Variants in CYP27C1 observed in about 807,000 individuals in gnomAD.
CYP27C1 encodes the protein cytochrome P450 27C1.
CYP27C1 carries 29 observed loss-of-function variants against 40.6 expected under a neutral mutation model. The ratio of observed to expected loss-of-function variants is 0.71; its 90% confidence interval spans 0.53 to 0.97. The LOEUF (loss-of-function observed/expected upper bound fraction) is 0.97. Ranked by LOEUF, CYP27C1 falls within the 50% of genes least tolerant of loss-of-function variation. The probability of loss-of-function intolerance (pLI) is 0.00; values close to 1 mark genes in which losing one functional copy is unlikely to be tolerated. For missense variants in CYP27C1, 390 were observed against 485.8 expected, an observed-to-expected ratio of 0.80 and a Z score of 1.85; for synonymous variants, 198 against 186.8, an observed-to-expected ratio of 1.06 and a Z score of -0.49.
chr2:127,191,592 C>T (rs1316079326), intron 8 of CYP27C1, among the ~76,000 whole-genome samples: 1 of 152,216 alleles, frequency 6.6e-6, no homozygotes, highest in Non-Finnish European at 1.5e-5. Flanking sequence ...AAGATGAGAA[C>T]AGCTTCCACT....
rs1469194342 is a variant in CYP27C1, at chr2:127,208,052, C to T, written c.283-1962G>A. On this transcript the variant is annotated intron_variant, in intron 1 of 8. Coordinates refer to ENST00000664447, the MANE Select transcript of CYP27C1 (RefSeq NM_001367502.1). The surrounding 1 kb of genome is among the most constrained non-coding windows in gnomAD (Gnocchi z 5.2). ...TCGAAAAAAGAACAAAGCTGGTGGA[C>T]CCCCATTTTCCTGTTTCAAGACTTA... Among the ~76,000 whole-genome samples, 1 of 152,082 alleles carries T rather than the reference C, an allele frequency of 6.6e-6. No homozygotes were observed. The highest frequency in any genetic ancestry group is 1.5e-5 in the Non-Finnish European group (1 of 68,032).
Position 127,200,650 on chromosome 2 carries a change from G to A in CYP27C1, c.883+472C>T, listed in dbSNP as rs537216552. 6.6e-6 allele frequency among the ~76,000 whole-genome samples: 1 copy of A among 152,202 alleles called. No individual in the cohort carries two copies. The highest frequency in any genetic ancestry group is 1.5e-5 in the Non-Finnish European group (1 of 68,018). Reference sequence around the variant, plus strand: ...TGTTACCTGTAGTCACAACCCACATGCTTTTTGCTTCTTTGAAAAACAAAT... The same window carrying A: ...TGTTACCTGTAGTCACAACCCACATACTTTTTGCTTCTTTGAAAAACAAAT... On this transcript the variant is annotated intron_variant, in intron 4 of 8. Coordinates refer to ENST00000664447, the MANE Select transcript of CYP27C1 (RefSeq NM_001367502.1). This position sits in a 1 kb window ranked among gnomAD's most constrained non-coding sequence, Gnocchi z 4.2.
intron 8 of CYP27C1, among the ~76,000 whole-genome samples, chr2:127,191,624 G>A (rs1241723562): frequency 2.0e-5 from 3 of 152,358 alleles, no homozygotes; most frequent in Non-Finnish European, 2.9e-5. Flanking sequence ...GACTCTGTAC[G>A]TGGACTGTTT....
Position 127,186,245 on chromosome 2 carries a change from TTTATTTATTTA to T in CYP27C1, c.*1015_*1025del, listed in dbSNP as rs199523426. 6.3e-3 allele frequency: 950 copies of T among 151,282 alleles called. 9 individuals are homozygous for T. The highest frequency in any genetic ancestry group is 0.021 in the African/African-American group (869 of 41,504). The allele number at this position is 151,282 out of a possible 1,614,324, so 9.4% of individuals were successfully genotyped here. A position where few individuals can be genotyped will look rare whatever the true frequency, so the allele number is the denominator to read the frequency against. ...CTTGATTTCACCAGGAGCTTTCTTT[TTTATTTATTTA>T]TTATTTATTTATTATTTATTTCTTC... On this transcript the variant is annotated 3_prime_UTR_variant, in exon 9 of 9. Coordinates refer to ENST00000664447, the MANE Select transcript of CYP27C1 (RefSeq NM_001367502.1). The surrounding 1 kb of genome is among the most constrained non-coding windows in gnomAD (Gnocchi z 4.5).
intron 1 of CYP27C1, among the ~76,000 whole-genome samples, chr2:127,211,573 G>T (rs1239883296): frequency 6.6e-6 from 1 of 151,724 alleles, no homozygotes; most frequent in Non-Finnish European, 1.5e-5. Context: ...TTTTAGTAGA[G>T]ACGGGGTTTC....
rs1486631140 is a variant in CYP27C1 at position 127,211,361 on chromosome 2, GTTTTTTTGTTTTTTTTT to G, written c.283-5288_283-5272del. Among the ~76,000 whole-genome samples the G allele has an allele frequency of 3.0e-3, 316 of 103,620 alleles. 3 individuals carry two copies. Among genetic ancestry groups the G allele is most frequent in the African/African-American group, 0.012 (296 of 25,196 alleles). 68.0% of individuals were successfully genotyped at this position (103,620 alleles called of 152,430 possible). On this transcript the variant is annotated intron_variant, in intron 1 of 8. Transcript: ENST00000664447. ...ATCTCTGGGATACAGCTAAAGCAGT[GTTTTTTTGTTTTTTTTT>G]TTTTTTTTTTTTTTTTTTTTTTGAG...
chr2:127,186,368 CCATTT>C lies in CYP27C1; in HGVS notation c.*898_*902del, dbSNP rs937920036. Reference sequence around the variant, plus strand: ...TGGAGAGAAAAGTATTCTTATACAGCCATTTTATTTTATTTTATTTTATTTTATTT... The same window carrying C: ...TGGAGAGAAAAGTATTCTTATACAGCTATTTTATTTTATTTTATTTTATTT... On this transcript the variant is annotated 3_prime_UTR_variant, in exon 9 of 9. Transcript: ENST00000664447. This position sits in a 1 kb window ranked among gnomAD's most constrained non-coding sequence, Gnocchi z 4.5. 2 of 131,596 alleles carry C rather than the reference CCATTT, an allele frequency of 1.5e-5. No homozygotes were observed. Among genetic ancestry groups the C allele is most frequent in the Admixed American group, 7.5e-5 (1 of 13,256 alleles). The allele number at this position is 131,596 out of a possible 1,614,324, so 8.2% of individuals were successfully genotyped here. A position where few individuals can be genotyped will look rare whatever the true frequency, so the allele number is the denominator to read the frequency against.
At position 127,193,449 on chromosome 2, in the gene CYP27C1, C is replaced by T. The variant is rs144639050; in HGVS notation, c.1294-152G>A. 314 of 817,706 alleles carry T rather than the reference C, an allele frequency of 3.8e-4. 4 individuals carry two copies. The Admixed American group carries it at 6.7e-3, about 18-fold the overall frequency. 50.7% of individuals were successfully genotyped at this position (817,706 alleles called of 1,614,324 possible). ...ACACCCAGGATGGCAGCCGCTCCCC[C>T]CTTCCCACTCCACACTGCACCCCAA... On this transcript the variant is annotated intron_variant, in intron 7 of 8. Transcript: ENST00000664447.
chr2:127,193,417 T>G (rs1372269577), intron 7 of CYP27C1, 120 bp from the exon 8 acceptor site: 1 of 1,144,794 alleles, frequency 8.7e-7, no homozygotes, highest in East Asian at 2.5e-5. Context: ...GCCGCCCGGG[T>G]CCACTCACAC....
At chr2:127,204,567 A>AAGAG (rs1190374721) in intron 2 of CYP27C1, among the ~76,000 whole-genome samples, 4 of 65,538 alleles carry the variant, frequency 6.1e-5, no homozygotes, top group African/African-American at 2.8e-4. Context: ...GAAAGAAAGA[A>AAGAG]AGAAAGAAAG....
chr2:127,211,369 GT>G (rs371826841), intron 1 of CYP27C1, among the ~76,000 whole-genome samples: 45,548 of 95,562 alleles, frequency 0.48, 7,752 homozygotes, highest in East Asian at 0.65. Context: ...GTGTTTTTTT[GT>G]TTTTTTTTTT....
chr2:127,215,821 A>G (rs988969526), intron 1 of CYP27C1, among the ~76,000 whole-genome samples: 1 of 150,378 alleles, frequency 6.6e-6, no homozygotes, highest in Non-Finnish European at 1.5e-5. Flanking sequence ...TCAGTAGAGG[A>G]AGGGAGGGAG....
intron 5 of CYP27C1, 122 bp downstream of exon 5, chr2:127,199,254 T>C: frequency 7.5e-7 from 1 of 1,328,658 alleles, no homozygotes; most frequent in Non-Finnish European, 1.0e-6. Context: ...GCCATTGCAC[T>C]CCAGCCTGGG....
At chr2:127,190,058 TGTCTAG>T (rs1203200062) in intron 8 of CYP27C1, among the ~76,000 whole-genome samples, 2 of 152,252 alleles carry the variant, frequency 1.3e-5, no homozygotes, top group Non-Finnish European at 2.9e-5. Context: ...CCAATAACCC[TGTCTAG>T]GTTCAGGATA....
intron 1 of CYP27C1, among the ~76,000 whole-genome samples, chr2:127,211,343 G>C (rs1450170311): frequency 6.7e-6 from 1 of 149,668 alleles, no homozygotes; most frequent in African/African-American, 2.5e-5. Context: ...AGAATCTCTG[G>C]GATACAGCTA....
chr2:127,199,889 A>T (rs890216175), intron 4 of CYP27C1, among the ~76,000 whole-genome samples: 1 of 152,234 alleles, frequency 6.6e-6, no homozygotes, highest in African/African-American at 2.4e-5. Flanking sequence ...CAGAAGAGAA[A>T]ATGAGTGGAG....
intron 8 of CYP27C1, among the ~76,000 whole-genome samples, chr2:127,189,780 G>C (rs1234579442): frequency 6.6e-6 from 1 of 152,130 alleles, no homozygotes; most frequent in African/African-American, 2.4e-5. Context: ...TCTCTAGGCA[G>C]ACCATCCTTG....
chr2:127,205,578 G>C, intron 2 of CYP27C1: 1 of 590,570 alleles, frequency 1.7e-6, no homozygotes, highest in Non-Finnish European at 2.1e-6. Context: ...AGACAAGGGC[G>C]CTGTGAGTTT....
intron 5 of CYP27C1, 112 bp downstream of exon 5, chr2:127,199,264 G>A: frequency 2.9e-6 from 4 of 1,399,272 alleles, no homozygotes; most frequent in Non-Finnish European, 3.9e-6. Context: ...TCCAGCCTGG[G>A]CAATAGAGTA....
Sources: gnomAD v4.1 joint callset for allele counts (sites outside exome capture counted in the v4.1 genomes callset) on GRCh38, gnomAD v4.1.1 for gene constraint, Gnocchi (gnomAD v3.1) non-coding constraint, MANE v1.5 for transcripts, NCBI Gene and HGNC (gene_info 2026-07-23, HGNC 2026-07-21) for gene names.